Variants in DPM1 observed in about 807,000 individuals in gnomAD.
DPM1 encodes dolichyl-phosphate mannosyltransferase subunit 1, catalytic.
DPM1 carries 27 observed loss-of-function variants against 39.0 expected under a neutral mutation model. The observed-to-expected ratio is 0.69, with a 90% CI of 0.51 to 0.95. DPM1 has a LOEUF of 0.95. DPM1 is among the 40% of genes least tolerant of loss of function. The probability of loss-of-function intolerance (pLI) is 0.00; values close to 1 mark genes in which losing one functional copy is unlikely to be tolerated. For missense variants in DPM1, 307 were observed against 315.6 expected (o/e 0.97, Z 0.21); for synonymous variants, 124 against 109.0 (o/e 1.14, Z -0.86).
rs867188674 is a variant in DPM1, at chr20:50,935,215, G to A, written c.700C>T (p.Arg234Cys). 6.9e-6 allele frequency: 11 copies of A among 1,603,520 alleles called. No homozygotes were observed. The East Asian group carries it at 1.3e-4, about 20-fold the overall frequency. Residue 234 changes from arginine to cysteine, a missense_variant, in exon 9 of 9, where the codon CGT (arginine) becomes TGT (cysteine). Arg to Cys is a radical substitution (Grantham distance 180). Transcript: ENST00000371588. ...IGEVPISFVD[R>C]VYGESKLGGN... Reference sequence around the variant, plus strand: ...CCCAACTTGGATTCACCATAAACACGATCCACAAATGATATTGGAACCTAG... The same window carrying A: ...CCCAACTTGGATTCACCATAAACACAATCCACAAATGATATTGGAACCTAG...
chr20:50,944,041 A>C (rs1438495664), intron 5 of DPM1, among the ~76,000 whole-genome samples: 1 of 152,140 alleles, frequency 6.6e-6, no homozygotes, highest in Non-Finnish European at 1.5e-5. Flanking sequence ...CGCCCGGCCA[A>C]GCCTGAGTAT....
intron 6 of DPM1, 162 bp from the exon 7 acceptor site, chr20:50,941,095 G>T (rs1165407943): frequency 3.6e-6 from 3 of 823,058 alleles, no homozygotes; most frequent in East Asian, 5.4e-5. Context: ...TTTAGTCAAT[G>T]AAAGGAGACC....
intron 7 of DPM1, among the ~76,000 whole-genome samples, chr20:50,938,309 C>T (rs188528947): frequency 8.6e-4 from 130 of 151,924 alleles, no homozygotes; most frequent in African/African-American, 3.0e-3. Context: ...CTTTGTCTAG[C>T]GACAAATGAA....
chr20:50,940,868 A>G lies in DPM1; in HGVS notation c.560T>C (p.Phe187Ser). 1 of 1,613,690 alleles carries G rather than the reference A, an allele frequency of 6.2e-7. No homozygotes were observed. The highest frequency in any genetic ancestry group is 8.5e-7 in the Non-Finnish European group (1 of 1,179,646). Residue 187 changes from phenylalanine to serine, a missense_variant, in exon 7 of 9, where the codon TTC (phenylalanine) becomes TCC (serine). Coordinates refer to ENST00000371588, the MANE Select transcript of DPM1 (RefSeq NM_003859.3). ...GTAGTGGAAATTTTCACTGTACCTG[A>G]AACTTCCTGTTAAATCAGATGCTCC... The part of the protein sequence containing the change: ...RPGASDLTGS[F>S]RLYRKEVLEK...
At chr20:50,956,784 T>C (rs1197527552) in intron 1 of DPM1, among the ~76,000 whole-genome samples, 1 of 152,126 alleles carries the variant, frequency 6.6e-6, no homozygotes. Flanking sequence ...AAAGAGAAAT[T>C]CCATAAACAA....
intron 2 of DPM1, among the ~76,000 whole-genome samples, chr20:50,949,058 A>T (rs1035238978): frequency 6.6e-6 from 1 of 152,070 alleles, no homozygotes; most frequent in African/African-American, 2.4e-5. Context: ...ACAGGGTTCC[A>T]CCGTGTTAGC....
intron 7 of DPM1, among the ~76,000 whole-genome samples, chr20:50,939,238 G>C (rs769902345): frequency 6.6e-6 from 1 of 152,126 alleles, no homozygotes; most frequent in Non-Finnish European, 1.5e-5. Flanking sequence ...AGTTACCCTA[G>C]GTTTTTATTC....
At chr20:50,947,275 G>A (rs1179214895) in intron 3 of DPM1, among the ~76,000 whole-genome samples, 1 of 152,238 alleles carries the variant, frequency 6.6e-6, no homozygotes, top group Non-Finnish European at 1.5e-5. Context: ...GGAGGCTGAG[G>A]CACAAGAATG....
intron 2 of DPM1, 124 bp from the exon 3 acceptor site, chr20:50,948,786 G>T: frequency 1.2e-6 from 1 of 857,796 alleles, no homozygotes; most frequent in Non-Finnish European, 1.9e-6. Context: ...AGAACTTAAA[G>T]CAAAGTATCC....
chr20:50,953,899 G>C (rs540472625), intron 2 of DPM1, among the ~76,000 whole-genome samples: 3 of 152,296 alleles, frequency 2.0e-5, no homozygotes, highest in Non-Finnish European at 4.4e-5. Context: ...TAGCATTACT[G>C]AAAGTCTCTG....
intron 2 of DPM1, among the ~76,000 whole-genome samples, chr20:50,950,897 AACAT>A (rs535393376): frequency 0.013 from 1,996 of 150,692 alleles, 41 homozygotes; most frequent in African/African-American, 0.047. Context: ...CAAACAAACA[AACAT>A]AACTTTGTTA....
Position 50,938,388 on chromosome 20 carries a change from AT to A in DPM1, c.564-2127del, listed in dbSNP as rs1317989390. Among the ~76,000 whole-genome samples, 1,378 of 143,474 alleles carry A rather than the reference AT, an allele frequency of 9.6e-3. 18 individuals carry two copies. The highest frequency in any genetic ancestry group is 0.025 in the African/African-American group (1,002 of 39,396). The allele number at this position is 143,474 out of a possible 152,430, so 94.1% of individuals were successfully genotyped here. A position where few individuals can be genotyped will look rare whatever the true frequency, so the allele number is the denominator to read the frequency against. On this transcript the variant is annotated intron_variant, in intron 7 of 8. Transcript: ENST00000371588. ...CAATGAGATTTAACTATTAAAAAAA[AT>A]TTTTTTTTTTTTTTGAGACAGAGTC...
chr20:50,955,031 C>T (rs1000999570), intron 2 of DPM1, among the ~76,000 whole-genome samples, 155 bp downstream of exon 2: 1 of 152,168 alleles, frequency 6.6e-6, no homozygotes, highest in Non-Finnish European at 1.5e-5. Flanking sequence ...TAAAATTTTA[C>T]GGACAACAAA....
At chr20:50,955,911 G>A (rs999511110) in intron 1 of DPM1, among the ~76,000 whole-genome samples, 1 of 152,058 alleles carries the variant, frequency 6.6e-6, no homozygotes, top group African/African-American at 2.4e-5. Flanking sequence ...AACCTTAATA[G>A]CAAATCTTAG....
In DPM1 at chr20:50,945,933, A is replaced by G. The variant is rs765027931; in HGVS notation, c.296-10T>C. ...TGAATATATGCAGTTCCTAAAAATG[A>G]AAGTAGATCCATTCAAGAAAATCAA... On this transcript the variant is annotated splice_polypyrimidine_tract_variant and intron_variant, in intron 3 of 8. Coordinates refer to ENST00000371588, the MANE Select transcript of DPM1 (RefSeq NM_003859.3). The G allele has an allele frequency of 8.7e-6, 14 of 1,609,220 alleles. No individual in the cohort carries two copies. In the Middle Eastern group the frequency reaches 5.0e-4, roughly 57 times the overall value.
Position 50,935,155 on chromosome 20 carries a change from A to C in DPM1, c.760T>G (p.Leu254Val). The stretch of plus-strand genomic sequence containing the variant: ...TTTTATGTAGTAGCAAAAAGAGTCA[A>C]TAATCCTTTCAAGAAAGATACTATT... Reference protein sequence around the residue: ...NEIVSFLKGLLTLFATT With the variant: ...NEIVSFLKGLVTLFATT Residue 254 changes from leucine (L) to valine (V), a missense_variant, in exon 9 of 9, where the codon TTG (leucine) becomes GTG (valine). By Grantham distance (32) the Leu-to-Val change is conservative (BLOSUM62 1). Around this residue, in one of 3 missense-constraint regions of DPM1, gnomAD observed 70 missense variants for 69.4 expected, o/e 1.01. Coordinates refer to ENST00000371588, the MANE Select transcript of DPM1 (RefSeq NM_003859.3). 1 of 1,599,524 alleles carries C rather than the reference A, an allele frequency of 6.3e-7. No individual in the cohort carries two copies. Among genetic ancestry groups the C allele is most frequent in the Non-Finnish European group, 8.6e-7 (1 of 1,167,390 alleles).
chr20:50,935,240 G>GT lies in DPM1; in HGVS notation c.679-5dup, dbSNP rs201325868. On this transcript the variant is annotated splice_polypyrimidine_tract_variant and splice_region_variant and intron_variant, in intron 8 of 8. Coordinates refer to ENST00000371588, the MANE Select transcript of DPM1 (RefSeq NM_003859.3). ...GATCCACAAATGATATTGGAACCTA[G>GT]TTTAAAAAAAAAAAAGTAACGTTAG... 9 of 1,478,660 alleles carry GT rather than the reference G, an allele frequency of 6.1e-6. No homozygotes were observed. In the African/African-American group the frequency reaches 8.1e-5, roughly 13 times the overall value. The allele number at this position is 1,478,660 out of a possible 1,614,324, so 91.6% of individuals were successfully genotyped here.
chr20:50,954,260 T>C (rs530361126), intron 2 of DPM1, among the ~76,000 whole-genome samples: 2 of 152,320 alleles, frequency 1.3e-5, no homozygotes, highest in South Asian at 4.1e-4. Flanking sequence ...ATACCAATGG[T>C]TCTCTACTGG....
intron 2 of DPM1, among the ~76,000 whole-genome samples, chr20:50,950,150 G>A (rs1051202241): frequency 2.6e-5 from 4 of 152,048 alleles, no homozygotes; most frequent in African/African-American, 7.2e-5. Context: ...TGATTACCAT[G>A]AGACTTACAA....
Sources: gnomAD v4.1 joint callset for allele counts (sites outside exome capture counted in the v4.1 genomes callset) on GRCh38, gnomAD v4.1.1 for gene constraint, gnomAD v4.1.1 regional missense constraint, MANE v1.5 for transcripts, NCBI Gene and HGNC (gene_info 2026-07-23, HGNC 2026-07-21) for gene names.